Variants in MMP24 observed in about 807,000 individuals in gnomAD.
MMP24 encodes matrix metallopeptidase 24, also known as matrix metalloproteinase-24.
Under a neutral mutation model 62.8 loss-of-function variants are expected in MMP24, and 25 were observed. That is an observed-to-expected ratio of 0.40 (90% CI 0.29 to 0.56). The LOEUF is 0.56. MMP24 is among the 20% of genes least tolerant of loss of function. The pLI is 0.50. For missense variants in MMP24, 634 were observed against 853.6 expected (o/e 0.74, Z 3.21); for synonymous variants, 319 against 350.5 (o/e 0.91, Z 1.00).
chr20:35,275,839 C>A lies in MMP24; in HGVS notation c.*1230C>A. ...TTCCCACACTGCTCTTAGAAGGACA[C>A]CCCTACCGGTAGCAGCCCCAAGCTG... is the stretch of plus-strand genomic sequence containing the variant. On this transcript the variant is annotated 3_prime_UTR_variant, in exon 9 of 9. Coordinates refer to ENST00000246186, the MANE Select transcript of MMP24 (RefSeq NM_006690.4). The A allele has an allele frequency of 7.6e-6, 3 of 396,014 alleles. No homozygotes were observed. The highest frequency in any genetic ancestry group is 1.3e-5 in the Non-Finnish European group (3 of 224,992). 24.5% of individuals were successfully genotyped at this position (396,014 alleles called of 1,614,324 possible).
intron 1 of MMP24, 88 bp from the exon 2 acceptor site, chr20:35,246,752 G>A: frequency 6.7e-7 from 1 of 1,481,660 alleles, no homozygotes; most frequent in South Asian, 1.2e-5. Flanking sequence ...GGGGTCAAAT[G>A]ATCCCTCGTG....
intron 2 of MMP24, among the ~76,000 whole-genome samples, chr20:35,248,306 C>CTT (rs11479770): frequency 6.3e-4 from 86 of 136,808 alleles, no homozygotes; most frequent in African/African-American, 2.0e-3. Flanking sequence ...TTCCCCCCCC[C>CTT]TTTTTTTTTT....
At chr20:35,228,360 G>A (rs2060424220) in intron 1 of MMP24, among the ~76,000 whole-genome samples, 1 of 152,202 alleles carries the variant, frequency 6.6e-6, no homozygotes, top group Admixed American at 6.5e-5. Flanking sequence ...ATAATTGCTG[G>A]TTGACTTGTT....
chr20:35,275,212 A>G lies in MMP24; in HGVS notation c.*603A>G, dbSNP rs1415752392. 6.4e-6 allele frequency: 1 copy of G among 155,288 alleles called. No homozygotes were observed. The highest frequency in any genetic ancestry group is 1.4e-5 in the Non-Finnish European group (1 of 69,914). 9.6% of individuals were successfully genotyped at this position (155,288 alleles called of 1,614,324 possible). ...CTTGTCAGGGTCTCTTCGGAGACCC[A>G]GGATTTAGGGTCACATGCTGCAGGC... On this transcript the variant is annotated 3_prime_UTR_variant, in exon 9 of 9. Coordinates refer to ENST00000246186, the MANE Select transcript of MMP24 (RefSeq NM_006690.4).
intron 1 of MMP24, among the ~76,000 whole-genome samples, chr20:35,227,203 G>C (rs2060418084): frequency 6.6e-6 from 1 of 151,462 alleles, no homozygotes; most frequent in Non-Finnish European, 1.5e-5. Flanking sequence ...CTTCAGCACC[G>C]CGGACAGGGG....
chr20:35,234,337 C>A (rs1217908763), intron 1 of MMP24, among the ~76,000 whole-genome samples: 1 of 152,190 alleles, frequency 6.6e-6, no homozygotes, highest in African/African-American at 2.4e-5. Flanking sequence ...CACTTATCAC[C>A]ACTGTAATGA....
intron 1 of MMP24, among the ~76,000 whole-genome samples, chr20:35,238,282 G>A (rs996005355): frequency 1.3e-5 from 2 of 152,232 alleles, no homozygotes; most frequent in African/African-American, 4.8e-5. Flanking sequence ...TGTGCTAGCT[G>A]TTGGGGTGAC....
intron 4 of MMP24, among the ~76,000 whole-genome samples, chr20:35,258,812 C>CA (rs1349554996): frequency 6.6e-6 from 1 of 151,430 alleles, no homozygotes; most frequent in African/African-American, 2.4e-5. Flanking sequence ...AAAAAAACAA[C>CA]AAAAAAGATT....
chr20:35,242,421 G>A (rs1199150790), intron 1 of MMP24, among the ~76,000 whole-genome samples: 1 of 152,134 alleles, frequency 6.6e-6, no homozygotes, highest in Non-Finnish European at 1.5e-5. Context: ...AAACTTGGTG[G>A]TCTGAAGGAT....
At position 35,275,334 on chromosome 20, in the gene MMP24, T is replaced by C. The variant is rs574698805; in HGVS notation, c.*725T>C. 1.3e-5 allele frequency: 2 copies of C among 152,376 alleles called. No individual in the cohort carries two copies. Among genetic ancestry groups the C allele is most frequent in the African/African-American group, 4.8e-5 (2 of 41,556 alleles). 9.4% of individuals were successfully genotyped at this position (152,376 alleles called of 1,614,324 possible). On this transcript the variant is annotated 3_prime_UTR_variant, in exon 9 of 9. Coordinates refer to ENST00000246186, the MANE Select transcript of MMP24 (RefSeq NM_006690.4). The stretch of plus-strand genomic sequence containing the variant: ...ACTGTCCCATTTTGCAAAGGCTGCT[T>C]GAGGCTTTAGGTGAACTAGAGGTGA...
chr20:35,270,222 G>A (rs1187628279), intron 7 of MMP24, among the ~76,000 whole-genome samples: 1 of 152,194 alleles, frequency 6.6e-6, no homozygotes, highest in Non-Finnish European at 1.5e-5. Flanking sequence ...TGGGGAGGTC[G>A]GGGGAGGGTG....
Position 35,271,151 on chromosome 20 carries a change from C to T in MMP24, c.1334-418C>T, listed in dbSNP as rs2060666901. Among the ~76,000 whole-genome samples, 2 of 152,220 alleles carry T rather than the reference C, an allele frequency of 1.3e-5. No individual in the cohort carries two copies. Among genetic ancestry groups the T allele is most frequent in the South Asian group, 4.2e-4 (2 of 4,816 alleles). ...GGCAGAAGGTGATGAGGAGGGAGCCCCTCTGTGGTGCAGATGAGGAGCTCT... is the reference window on the plus strand; with the variant it reads ...GGCAGAAGGTGATGAGGAGGGAGCCTCTCTGTGGTGCAGATGAGGAGCTCT... On this transcript the variant is annotated intron_variant, in intron 7 of 8. Coordinates refer to ENST00000246186, the MANE Select transcript of MMP24 (RefSeq NM_006690.4). This position sits in a 1 kb window ranked among gnomAD's most constrained non-coding sequence, Gnocchi z 4.0.
At chr20:35,273,880 T>C (rs2060687266) in intron 8 of MMP24, among the ~76,000 whole-genome samples, 1 of 152,196 alleles carries the variant, frequency 6.6e-6, no homozygotes, top group Non-Finnish European at 1.5e-5. Context: ...GCTCCCTGCC[T>C]CCCTTGGCTC....
chr20:35,228,231 C>T (rs76116758), intron 1 of MMP24, among the ~76,000 whole-genome samples: 3,796 of 152,138 alleles, frequency 0.025, 147 homozygotes, highest in African/African-American at 0.086. Flanking sequence ...TATTTCTAGG[C>T]GAGGACCCCT....
intron 8 of MMP24, among the ~76,000 whole-genome samples, chr20:35,272,650 A>G (rs1457167438): frequency 6.6e-6 from 1 of 152,176 alleles, no homozygotes; most frequent in Non-Finnish European, 1.5e-5. Flanking sequence ...GCTTCTCAGG[A>G]GGAGCTGCTA....
At chr20:35,244,067 C>T (rs764724066) in intron 1 of MMP24, among the ~76,000 whole-genome samples, 2 of 152,144 alleles carry the variant, frequency 1.3e-5, no homozygotes, top group African/African-American at 2.4e-5. Context: ...TTTGGTGAAG[C>T]AAATAATAAC....
intron 5 of MMP24, among the ~76,000 whole-genome samples, chr20:35,264,510 G>T (rs2060621038): frequency 6.6e-6 from 1 of 151,910 alleles, no homozygotes; most frequent in Non-Finnish European, 1.5e-5. Context: ...TGGCCAACAT[G>T]GTGAAACCCC....
chr20:35,232,136 A>T (rs2060440693), intron 1 of MMP24, among the ~76,000 whole-genome samples: 1 of 152,178 alleles, frequency 6.6e-6, no homozygotes, highest in Admixed American at 6.5e-5. Flanking sequence ...CCTGTTCTGG[A>T]TTATTATTGT....
chr20:35,249,302 G>C (rs187820066), intron 2 of MMP24, among the ~76,000 whole-genome samples: 1 of 152,280 alleles, frequency 6.6e-6, no homozygotes, highest in Non-Finnish European at 1.5e-5. Context: ...ATTAAAGGAA[G>C]CTAGATTAGC....
Sources: gnomAD v4.1 joint callset for allele counts (sites outside exome capture counted in the v4.1 genomes callset) on GRCh38, gnomAD v4.1.1 for gene constraint, Gnocchi (gnomAD v3.1) non-coding constraint, MANE v1.5 for transcripts, NCBI Gene and HGNC (gene_info 2026-07-23, HGNC 2026-07-21) for gene names.